Variants in CDC25B observed in about 807,000 individuals in gnomAD.
The protein encoded by CDC25B is cell division cycle 25B.
CDC25B carries 33 observed loss-of-function variants against 69.8 expected under a neutral mutation model. The observed-to-expected ratio is 0.47, with a 90% confidence interval of 0.36 to 0.63. The LOEUF (loss-of-function observed/expected upper bound fraction) is 0.63. Among genes scored for constraint, CDC25B ranks in the 30% least tolerant of loss-of-function variants. The pLI is 0.00. For missense variants in CDC25B, 727 were observed against 809.1 expected, an observed-to-expected ratio of 0.90 and a Z score of 1.23; for synonymous variants, 341 against 314.6, an observed-to-expected ratio of 1.08 and a Z score of -0.89.
Position 3,800,784 on chromosome 20 carries a change from C to A in CDC25B, c.501C>A (p.Thr167=), listed in dbSNP as rs1387362431. Residue 167 remains threonine (T), a synonymous_variant, in exon 6 of 16, where the codon ACC becomes ACA. Coordinates refer to ENST00000245960, the MANE Select transcript of CDC25B (RefSeq NM_021873.4). ...LGHSPVLRNI[T]NSQAPDGRRK... ...ACAGCCCCGTGCTTCGGAACATCAC[C>A]AACTCCCAGGCGCCCGACGGCCGGA... 6.2e-7 allele frequency: 1 copy of A among 1,612,202 alleles called. No individual in the cohort carries two copies. The highest frequency in any genetic ancestry group is 8.5e-7 in the Non-Finnish European group (1 of 1,180,022).
Position 3,802,340 on chromosome 20 carries a change from C to G in CDC25B, c.1158C>G (p.Asp386Glu), listed in dbSNP as rs1353170287. ...LCHDEIENLL[D>E]SDHRELIGDY... ...ACGATGAGATCGAGAACCTCCTGGACAGTGACCACCGAGAGCTGATTGGAG... is the reference window on the plus strand; with the variant it reads ...ACGATGAGATCGAGAACCTCCTGGAGAGTGACCACCGAGAGCTGATTGGAG... Residue 386 changes from aspartate to glutamate, a missense_variant, in exon 11 of 16, where the codon GAC becomes GAG. Asp to Glu is a conservative substitution (Grantham distance 45). Coordinates refer to ENST00000245960, the MANE Select transcript of CDC25B (RefSeq NM_021873.4). The G allele has an allele frequency of 1.2e-6, 2 of 1,608,094 alleles. No homozygotes were observed. Among genetic ancestry groups the G allele is most frequent in the African/African-American group, 2.7e-5 (2 of 75,012 alleles).
In CDC25B at chr20:3,796,598, G is replaced by A; in HGVS notation, c.67G>A (p.Ala23Thr). The part of the protein sequence containing the change: ...ALSPAGVCGG[A>T]QRPGHLPGLL... ...CAGTCCAGCAGGCGTGTGCGGTGGCGCCCAGCGTCCGGGCCACCTCCCGGG... is the reference window on the plus strand; with the variant it reads ...CAGTCCAGCAGGCGTGTGCGGTGGCACCCAGCGTCCGGGCCACCTCCCGGG... The change falls in exon 1 of 16, where the codon GCC (alanine) becomes ACC (threonine). Residue 23 changes from alanine (A) to threonine (T), a missense_variant. Coordinates refer to ENST00000245960, the MANE Select transcript of CDC25B (RefSeq NM_021873.4). The A allele has an allele frequency of 1.4e-6, 2 of 1,441,230 alleles. No individual in the cohort carries two copies. Among genetic ancestry groups the A allele is most frequent in the Non-Finnish European group, 9.1e-7 (1 of 1,101,524 alleles). 89.3% of individuals were successfully genotyped at this position (1,441,230 alleles called of 1,614,324 possible). A position where few individuals can be genotyped will look rare whatever the true frequency, so the allele number is the denominator to read the frequency against.
Position 3,796,590 on chromosome 20 carries a change from G to A in CDC25B, c.59G>A (p.Cys20Tyr). The change falls in exon 1 of 16, where the codon TGC (cysteine) becomes TAC (tyrosine). Residue 20 changes from cysteine (C) to tyrosine (Y), a missense_variant. Cys to Tyr is a radical substitution (Grantham distance 194, BLOSUM62 -2). Coordinates refer to ENST00000245960, the MANE Select transcript of CDC25B (RefSeq NM_021873.4). The part of the protein sequence containing the change: ...PGSALSPAGV[C>Y]GGAQRPGHLP... Reference sequence around the variant, plus strand: ...TCGGCTCTCAGTCCAGCAGGCGTGTGCGGTGGCGCCCAGCGTCCGGGCCAC... The same window carrying A: ...TCGGCTCTCAGTCCAGCAGGCGTGTACGGTGGCGCCCAGCGTCCGGGCCAC... 1 of 1,447,402 alleles carries A rather than the reference G, an allele frequency of 6.9e-7. No homozygotes were observed. Among genetic ancestry groups the A allele is most frequent in the Admixed American group, 2.7e-5 (1 of 37,424 alleles). 89.7% of individuals were successfully genotyped at this position (1,447,402 alleles called of 1,614,324 possible). A position where few individuals can be genotyped will look rare whatever the true frequency, so the allele number is the denominator to read the frequency against.
At chr20:3,788,908 C>T (rs1170635447) in intron 1 of CDC25B, among the ~76,000 whole-genome samples, 1 of 148,994 alleles carries the variant, frequency 6.7e-6, no homozygotes. Flanking sequence ...CTTTCCTTTC[C>T]TGTGGCCCCT....
chr20:3,805,757 C>T lies in CDC25B; in HGVS notation c.*796C>T, dbSNP rs774401224. 56 of 404,396 alleles carry T rather than the reference C, an allele frequency of 1.4e-4. No homozygotes were observed. In the East Asian group the frequency reaches 1.5e-3, roughly 11 times the overall value. 25.1% of individuals were successfully genotyped at this position (404,396 alleles called of 1,614,324 possible). A position where few individuals can be genotyped will look rare whatever the true frequency, so the allele number is the denominator to read the frequency against. ...GCCCCTACTGCTGTGAACCCTGGGG[C>T]CTGACTGCTCAGAACTTGCTGCTGT... On this transcript the variant is annotated 3_prime_UTR_variant, in exon 16 of 16. Transcript: ENST00000245960.
chr20:3,792,461 T>A (rs986491496), upstream of CDC25B, among the ~76,000 whole-genome samples: 3 of 152,068 alleles, frequency 2.0e-5, no homozygotes, highest in Non-Finnish European at 2.9e-5. Context: ...GTCACTTGGA[T>A]TTTTTGTTTG....
Position 3,801,047 on chromosome 20 carries a change from G to C in CDC25B, c.659G>C (p.Arg220Pro), listed in dbSNP as rs767534464. The C allele has an allele frequency of 6.2e-7, 1 of 1,614,042 alleles. No individual in the cohort carries two copies. Among genetic ancestry groups the C allele is most frequent in the Admixed American group, 1.7e-5 (1 of 60,026 alleles). Residue 220 changes from arginine (R) to proline (P), a missense_variant, in exon 7 of 16, where the codon CGC (arginine) becomes CCC (proline). This residue lies in a region of CDC25B where 368 missense variants were observed against 345.6 expected (regional missense o/e 1.06). Transcript: ENST00000245960. Reference sequence around the variant, plus strand: ...CATGCTCTGGCAGAGTGGGCCAGCCGCAGGGAAGCCTTTGCCCAGAGACCC... The same window carrying C: ...CATGCTCTGGCAGAGTGGGCCAGCCCCAGGGAAGCCTTTGCCCAGAGACCC... ...STHALAEWAS[R>P]REAFAQRPSS...
At position 3,805,989 on chromosome 20, in the gene CDC25B, A is replaced by C; in HGVS notation, c.*1028A>C. The stretch of plus-strand genomic sequence containing the variant: ...ATTCAAGAGGAAATGTCACAGAAGC[A>C]GCTAAACCAAGGACTGAGCACCCTC... On this transcript the variant is annotated 3_prime_UTR_variant, in exon 16 of 16. Coordinates refer to ENST00000245960, the MANE Select transcript of CDC25B (RefSeq NM_021873.4). 2.5e-6 allele frequency: 1 copy of C among 399,776 alleles called. No individual in the cohort carries two copies. The highest frequency in any genetic ancestry group is 6.3e-4 in the Middle Eastern group (1 of 1,590). The allele number at this position is 399,776 out of a possible 1,614,324, so 24.8% of individuals were successfully genotyped here.
upstream of CDC25B, among the ~76,000 whole-genome samples, chr20:3,792,759 C>A (rs2088936491): frequency 6.6e-6 from 1 of 152,198 alleles, no homozygotes; most frequent in African/African-American, 2.4e-5. Flanking sequence ...AGCCACCGTG[C>A]CCAGCGAGTC....
At position 3,801,797 on chromosome 20, in the gene CDC25B, GA is replaced by G; in HGVS notation, c.920del (p.Lys307ArgfsTer22). The G allele has an allele frequency of 1.9e-6, 3 of 1,603,312 alleles. No individual in the cohort carries two copies. Among genetic ancestry groups the G allele is most frequent in the Admixed American group, 1.7e-5 (1 of 57,842 alleles). On this transcript the variant is annotated frameshift_variant, in exon 9 of 16. Transcript: ENST00000245960. LOFTEE classifies it high-confidence loss of function. ...GGTCAAGACCTTGGAAAAGGAAGAG[GA>G]AAAGGTGGGCCTCTGGGGTGGCCCC... ...PLVKTLEKEE[E>X]KDLVMYSKCQ...
At chr20:3,790,861 C>T (rs1461579636) in intron 1 of CDC25B, among the ~76,000 whole-genome samples, 1 of 151,824 alleles carries the variant, frequency 6.6e-6, no homozygotes, top group Non-Finnish European at 1.5e-5. Context: ...TGAGCCACCG[C>T]ACCTGGCCTA....
chr20:3,797,553 C>T (rs2089103892), intron 1 of CDC25B, 69 bp from the exon 2 acceptor site: 4 of 1,578,596 alleles, frequency 2.5e-6, no homozygotes, highest in South Asian at 2.3e-5. Flanking sequence ...GGAGTGGGAA[C>T]GTGGGCTAGC....
In CDC25B at chr20:3,803,906, T is replaced by TC. The variant is rs1044491765; in HGVS notation, c.1490+371dup. 6.6e-6 allele frequency among the ~76,000 whole-genome samples: 1 copy of TC among 152,206 alleles called. No homozygotes were observed. The highest frequency in any genetic ancestry group is 1.5e-5 in the Non-Finnish European group (1 of 68,036). On this transcript the variant is annotated intron_variant, in intron 14 of 15. Transcript: ENST00000245960. The surrounding 1 kb of genome is among the most constrained non-coding windows in gnomAD (Gnocchi z 4.9). ...TCCATTAGAACCTCTTCCATTGGCA[T>TC]CCACAGCACCTGGGCCTCCCTGGCT...
chr20:3,788,838 C>T (rs189998957), intron 1 of CDC25B, among the ~76,000 whole-genome samples: 4 of 141,688 alleles, frequency 2.8e-5, no homozygotes, highest in East Asian at 4.1e-4. Context: ...TTCTTTCTTT[C>T]TCTTTCTCTC....
rs1300208091 is a variant in CDC25B, at chr20:3,805,299, G to T, written c.*338G>T. The stretch of plus-strand genomic sequence containing the variant: ...TTCCTGTGTCCTGAAACGCTCCTTT[G>T]TGTGTGTGTCAGCTGAGGCTGGGGG... On this transcript the variant is annotated 3_prime_UTR_variant, in exon 16 of 16. Transcript: ENST00000245960. The T allele has an allele frequency of 1.8e-5, 6 of 339,480 alleles. No homozygotes were observed. The East Asian group carries it at 2.9e-4, about 16-fold the overall frequency. The allele number at this position is 339,480 out of a possible 1,614,324, so 21.0% of individuals were successfully genotyped here.
intron 2 of CDC25B, 63 bp from the exon 3 acceptor site, chr20:3,798,349 A>G (rs2089142269): frequency 4.7e-6 from 3 of 636,236 alleles, no homozygotes; most frequent in Admixed American, 6.6e-5. Flanking sequence ...ATATTGGGAC[A>G]TGGTGGGGGA....
Position 3,801,741 on chromosome 20 carries a change from C to T in CDC25B, c.860C>T (p.Pro287Leu), listed in dbSNP as rs751152699. The T allele has an allele frequency of 8.1e-6, 13 of 1,605,592 alleles. No individual in the cohort carries two copies. The highest frequency in any genetic ancestry group is 6.7e-5 in the South Asian group (6 of 89,888). ...CCTCAGGATGATGATGCAGTTCCCC[C>T]AGGCATGGAGAGTCTCATTAGTGCC... ...SDLKDDDAVP[P>L]GMESLISAPL... Residue 287 changes from proline to leucine, a missense_variant, in exon 9 of 16, where the codon CCA becomes CTA. This residue lies in a region of CDC25B where 359 missense variants were observed against 463.4 expected (regional missense o/e 0.77). Transcript: ENST00000245960.
chr20:3,798,605 C>A, intron 3 of CDC25B, 142 bp downstream of exon 3: 2 of 547,624 alleles, frequency 3.7e-6, no homozygotes, highest in Non-Finnish European at 6.3e-6. Flanking sequence ...CCGGGGGGCT[C>A]ACTGACTTTC....
At chr20:3,800,003 A>C (rs375518886) in intron 3 of CDC25B, among the ~76,000 whole-genome samples, 134 of 151,760 alleles carry the variant, frequency 8.8e-4, no homozygotes, top group African/African-American at 1.2e-3. Context: ...TGCCTTGGTG[A>C]CGCCTCCCTG....
Sources: gnomAD v4.1 joint callset for allele counts (sites outside exome capture counted in the v4.1 genomes callset) on GRCh38, gnomAD v4.1.1 for gene constraint, gnomAD v4.1.1 regional missense constraint, Gnocchi (gnomAD v3.1) non-coding constraint, MANE v1.5 for transcripts, NCBI Gene and HGNC (gene_info 2026-07-23, HGNC 2026-07-21) for gene names.